The following PDCD10 variants were observed in gnomAD, a reference collection of about 807,000 sequenced individuals.
The protein encoded by PDCD10 is programmed cell death protein 10.
In PDCD10, 4 loss-of-function variants were observed where a neutral mutation model predicts 29.2. The observed-to-expected ratio is 0.14, with a 90% CI of 0.07 to 0.31. PDCD10 has a LOEUF of 0.31. Ranked by LOEUF, PDCD10 falls within the 10% of genes least tolerant of loss-of-function variation. PDCD10 has a pLI of 1.00. For synonymous variants in PDCD10, 70 were observed against 82.2 expected (o/e 0.85, Z 0.80); for missense variants, 183 against 257.9 (o/e 0.71, Z 1.99).
Position 167,701,626 on chromosome 3 carries a change from C to G in PDCD10, c.150+3216G>C, listed in dbSNP as rs1448039856. Among the ~76,000 whole-genome samples the G allele has an allele frequency of 3.3e-5, 5 of 152,332 alleles. No individual in the cohort carries two copies. In the East Asian group the frequency reaches 9.6e-4, roughly 29 times the overall value. On this transcript the variant is annotated intron_variant, in intron 4 of 8. Coordinates refer to ENST00000392750, the MANE Select transcript of PDCD10 (RefSeq NM_007217.4). ...GTCCCAAAACACCACACCTCTAAAT[C>G]AGCCTCTACATCAGGGGATCAAGAA...
chr3:167,697,124 A>T lies in PDCD10; in HGVS notation c.153T>A (p.Ala51=), dbSNP rs751630808. ...GTGTGAGACCTGGATTTTCTTTTTC[A>T]GCCTATAATAAAGAGAAAACTAGTT... ...AQTLRAAFIK[A]EKENPGLTQD... is the part of the protein sequence containing the mutation. The change falls in exon 5 of 9, where the codon GCT becomes GCA. Residue 51 remains alanine (A), a splice_region_variant and synonymous_variant. Transcript: ENST00000392750. 4 of 1,526,094 alleles carry T rather than the reference A, an allele frequency of 2.6e-6. No homozygotes were observed. Among genetic ancestry groups the T allele is most frequent in the Non-Finnish European group, 2.7e-6 (3 of 1,100,784 alleles). 94.5% of individuals were successfully genotyped at this position (1,526,094 alleles called of 1,614,324 possible).
chr3:167,727,672 T>C (rs1175071104), intron 2 of PDCD10, among the ~76,000 whole-genome samples: 1 of 152,236 alleles, frequency 6.6e-6, no homozygotes, highest in Non-Finnish European at 1.5e-5. Flanking sequence ...CTCAGAGTGT[T>C]AGGTCCTCTC....
intron 2 of PDCD10, among the ~76,000 whole-genome samples, chr3:167,732,698 T>C (rs937635034): frequency 1.3e-5 from 2 of 152,226 alleles, no homozygotes; most frequent in African/African-American, 4.8e-5. Flanking sequence ...TTCCAAAATT[T>C]CCTCATAGTT....
At chr3:167,698,842 T>A (rs1446584552) in intron 4 of PDCD10, among the ~76,000 whole-genome samples, 1 of 152,128 alleles carries the variant, frequency 6.6e-6, no homozygotes. Flanking sequence ...AGTCTGAGAA[T>A]AAAGTTTTCA....
At chr3:167,725,059 C>T (rs1268752528) in intron 2 of PDCD10, among the ~76,000 whole-genome samples, 1 of 152,046 alleles carries the variant, frequency 6.6e-6, no homozygotes, top group East Asian at 1.9e-4. Flanking sequence ...GAGTTCAAGA[C>T]CAGCCTGGCT....
chr3:167,701,292 A>G (rs1721399009), intron 4 of PDCD10, among the ~76,000 whole-genome samples: 1 of 152,180 alleles, frequency 6.6e-6, no homozygotes, highest in Non-Finnish European at 1.5e-5. Context: ...CAGATATCAG[A>G]TATATATTGA....
At chr3:167,724,978 TG>T (rs1285424232) in intron 2 of PDCD10, among the ~76,000 whole-genome samples, 3 of 152,134 alleles carry the variant, frequency 2.0e-5, no homozygotes, top group Non-Finnish European at 4.4e-5. Context: ...ACTCATCAGC[TG>T]GGCACGGTGG....
chr3:167,723,428 T>G (rs1229940201), intron 2 of PDCD10, among the ~76,000 whole-genome samples: 1 of 152,138 alleles, frequency 6.6e-6, no homozygotes, highest in African/African-American at 2.4e-5. Context: ...GGTACACTAT[T>G]TTCTGGAGTA....
intron 2 of PDCD10, chr3:167,730,664 A>C (rs1724714614): frequency 1.3e-5 from 2 of 152,214 alleles, no homozygotes; most frequent in Non-Finnish European, 2.9e-5. Context: ...ATACAAGGCT[A>C]CAGAAACTCA....
At chr3:167,699,303 T>C (rs1481999953) in intron 4 of PDCD10, among the ~76,000 whole-genome samples, 1 of 152,174 alleles carries the variant, frequency 6.6e-6, no homozygotes, top group African/African-American at 2.4e-5. Context: ...ATATGCTAAA[T>C]TGCAATCCAT....
chr3:167,733,273 A>G (rs180809870), intron 2 of PDCD10, among the ~76,000 whole-genome samples: 425 of 152,316 alleles, frequency 2.8e-3, no homozygotes, highest in African/African-American at 9.7e-3. Context: ...AAGTTATCAC[A>G]AATAAATTCT....
At chr3:167,733,526 G>GAC (rs1241449977) in intron 2 of PDCD10, among the ~76,000 whole-genome samples, 1 of 152,002 alleles carries the variant, frequency 6.6e-6, no homozygotes, top group African/African-American at 2.4e-5. Flanking sequence ...ATTATTTGCA[G>GAC]ACACACACAC....
In PDCD10 at chr3:167,723,860, T is replaced by C. The variant is rs1723832554; in HGVS notation, c.-116-3587A>G. Among the ~76,000 whole-genome samples the C allele has an allele frequency of 3.9e-5, 6 of 152,344 alleles. No individual in the cohort carries two copies. In the South Asian group the frequency reaches 1.2e-3, roughly 32 times the overall value. On this transcript the variant is annotated intron_variant, in intron 2 of 8. Transcript: ENST00000392750. The stretch of plus-strand genomic sequence containing the variant: ...TCAACACAGAGTATAAGCAATCTTC[T>C]CACTTATAATTTACCCCTCATTTTC...
intron 4 of PDCD10, among the ~76,000 whole-genome samples, chr3:167,700,224 T>A (rs1721254758): frequency 6.6e-6 from 1 of 152,188 alleles, no homozygotes; most frequent in South Asian, 2.1e-4. Flanking sequence ...TAAAACGCCA[T>A]GTGACTCTAA....
intron 4 of PDCD10, among the ~76,000 whole-genome samples, chr3:167,702,318 C>T (rs1164877936): frequency 6.6e-6 from 1 of 152,128 alleles, no homozygotes; most frequent in African/African-American, 2.4e-5. Flanking sequence ...GGATGCAGAC[C>T]TTATGATGAT....
chr3:167,730,411 A>T (rs1411559615), intron 2 of PDCD10, among the ~76,000 whole-genome samples: 1 of 152,174 alleles, frequency 6.6e-6, no homozygotes, highest in Non-Finnish European at 1.5e-5. Context: ...TTATCCAACA[A>T]CATATAAAAA....
intron 6 of PDCD10, among the ~76,000 whole-genome samples, chr3:167,689,775 A>G (rs1720014570): frequency 6.6e-6 from 1 of 152,218 alleles, no homozygotes; most frequent in African/African-American, 2.4e-5. Context: ...CTGTCAACCA[A>G]GGCCATTTAT....
intron 2 of PDCD10, 50 bp from the exon 3 acceptor site, chr3:167,720,323 G>A (rs761169794): frequency 1.9e-4 from 111 of 582,940 alleles, no homozygotes; most frequent in Non-Finnish European, 2.7e-4. Context: ...AAGGAGAAAC[G>A]ACAAATACCA....
chr3:167,727,733 T>C (rs1304636377), intron 2 of PDCD10, among the ~76,000 whole-genome samples: 1 of 152,204 alleles, frequency 6.6e-6, no homozygotes, highest in Non-Finnish European at 1.5e-5. Context: ...TCAGAGCTAC[T>C]TGCTTTGTAT....
Sources: gnomAD v4.1 joint callset for allele counts (sites outside exome capture counted in the v4.1 genomes callset) on GRCh38, gnomAD v4.1.1 for gene constraint, MANE v1.5 for transcripts, NCBI Gene and HGNC (gene_info 2026-07-23, HGNC 2026-07-21) for gene names.